CSMD1: variants seen among roughly 807,000 people sequenced by gnomAD.
The protein encoded by CSMD1 is CUB and sushi domain-containing protein 1.
In CSMD1, 213 loss-of-function variants were observed where a neutral mutation model predicts 417.5. That is an observed-to-expected ratio of 0.51 (90% CI 0.46 to 0.57). The LOEUF (loss-of-function observed/expected upper bound fraction) is 0.57, where lower values mean the gene tolerates loss of function less well. CSMD1 is among the 20% of genes least tolerant of loss of function. The pLI is 0.00. For missense variants in CSMD1, 6,923 were observed against 4,529.7 expected, an observed-to-expected ratio of 1.53 and a Z score of -15.17; for synonymous variants, 2,862 against 1,736.8, an observed-to-expected ratio of 1.65 and a Z score of -16.11.
intron 1 of CSMD1, among the ~76,000 whole-genome samples, chr8:4,898,333 G>C (rs1278788509): frequency 1.3e-5 from 2 of 152,040 alleles, no homozygotes; most frequent in East Asian, 1.9e-4. Flanking sequence ...GGGTCCATTA[G>C]ATTTATAATT....
At chr8:4,885,639 T>G (rs1413995625) in intron 1 of CSMD1, among the ~76,000 whole-genome samples, 1 of 151,926 alleles carries the variant, frequency 6.6e-6, no homozygotes, top group East Asian at 1.9e-4. Flanking sequence ...TAATAGATTT[T>G]CAGGTGTTGA....
intron 10 of CSMD1, among the ~76,000 whole-genome samples, chr8:3,500,506 A>G (rs1032068779): frequency 1.3e-5 from 2 of 152,220 alleles, no homozygotes; most frequent in Non-Finnish European, 2.9e-5. Context: ...AGGCACGTGA[A>G]AAGAAGAGGA....
intron 1 of CSMD1, among the ~76,000 whole-genome samples, chr8:4,720,997 GAATTTAAATAAACAGTT>G (rs950217304): frequency 1.3e-5 from 2 of 152,012 alleles, no homozygotes; most frequent in Non-Finnish European, 2.9e-5. Flanking sequence ...TATTTGAATG[GAATTTAAATAAACAGTT>G]AATTATTGTG....
At chr8:4,863,949 A>C (rs1451065954) in intron 1 of CSMD1, among the ~76,000 whole-genome samples, 1 of 131,560 alleles carries the variant, frequency 7.6e-6, no homozygotes, top group Non-Finnish European at 1.8e-5. Context: ...ATCCTAAAAT[A>C]AATGTCAAGA....
intron 7 of CSMD1, among the ~76,000 whole-genome samples, chr8:3,637,287 T>A (rs531168300): frequency 4.5e-4 from 69 of 152,312 alleles, no homozygotes; most frequent in African/African-American, 1.6e-3. Context: ...TAGTTGTGTA[T>A]GCTTGGGGGA....
At chr8:4,816,923 C>CA (rs1344847369) in intron 1 of CSMD1, among the ~76,000 whole-genome samples, 6 of 152,102 alleles carry the variant, frequency 3.9e-5, no homozygotes, top group African/African-American at 1.4e-4. Flanking sequence ...TCACTCCCAT[C>CA]TACTGCCAGA....
intron 5 of CSMD1, among the ~76,000 whole-genome samples, chr8:3,783,701 T>C (rs1042121788): frequency 3.9e-5 from 6 of 152,152 alleles, no homozygotes; most frequent in African/African-American, 7.2e-5. Flanking sequence ...GAGGCTCCCC[T>C]CCCCTTTGCT....
chr8:3,836,545 G>A (rs1200292372), intron 5 of CSMD1, among the ~76,000 whole-genome samples: 1 of 152,244 alleles, frequency 6.6e-6, no homozygotes, highest in South Asian at 2.1e-4. Flanking sequence ...CTAGGATGGA[G>A]TGAGTCAGAA....
chr8:3,684,614 TTTA>T (rs1183534407), intron 7 of CSMD1, among the ~76,000 whole-genome samples: 1 of 149,148 alleles, frequency 6.7e-6, no homozygotes, highest in Admixed American at 6.7e-5. Context: ...TTTTTTTTTT[TTTA>T]GACGGAGTCT....
At chr8:4,712,921 G>A (rs117708834) in intron 1 of CSMD1, among the ~76,000 whole-genome samples, 257 of 152,244 alleles carry the variant, frequency 1.7e-3, no homozygotes, top group Non-Finnish European at 2.7e-3. Flanking sequence ...GTGCTTGATT[G>A]ACATACAAGT....
chr8:3,386,725 A>T (rs146173815), intron 18 of CSMD1, among the ~76,000 whole-genome samples: 2 of 152,298 alleles, frequency 1.3e-5, no homozygotes, highest in Non-Finnish European at 2.9e-5. Flanking sequence ...CCATAGAAAC[A>T]ATGTTTCCTG....
intron 1 of CSMD1, among the ~76,000 whole-genome samples, chr8:4,826,608 A>C (rs563251237): frequency 1.3e-4 from 20 of 152,122 alleles, no homozygotes; most frequent in Non-Finnish European, 2.2e-4. Context: ...GGAAGAGCAA[A>C]AAGGAGATAA....
chr8:3,302,077 A>G (rs905697095), intron 25 of CSMD1, among the ~76,000 whole-genome samples: 14 of 152,316 alleles, frequency 9.2e-5, no homozygotes, highest in African/African-American at 3.4e-4. Flanking sequence ...ACAGCAGAGC[A>G]TAACACTGAA....
intron 3 of CSMD1, among the ~76,000 whole-genome samples, chr8:4,410,515 A>C (rs1796592595): frequency 6.6e-6 from 1 of 152,206 alleles, no homozygotes; most frequent in Admixed American, 6.5e-5. Context: ...TATAAGAGAG[A>C]CAGAAAGAGA....
At chr8:3,773,877 G>A (rs2078162370) in intron 5 of CSMD1, among the ~76,000 whole-genome samples, 1 of 152,240 alleles carries the variant, frequency 6.6e-6, no homozygotes, top group Admixed American at 6.5e-5. Context: ...CTATGTTGCT[G>A]AGGAAAATGC....
At chr8:4,346,826 G>A (rs1421609322) in intron 3 of CSMD1, among the ~76,000 whole-genome samples, 2 of 152,154 alleles carry the variant, frequency 1.3e-5, no homozygotes, top group African/African-American at 4.8e-5. Context: ...GAAATCCAAG[G>A]GGATTGAGAC....
chr8:4,617,961 T>C (rs1435858325), intron 2 of CSMD1, among the ~76,000 whole-genome samples: 1 of 152,190 alleles, frequency 6.6e-6, no homozygotes, highest in Non-Finnish European at 1.5e-5. Context: ...AATATTTCTT[T>C]TTAAAATATT....
intron 3 of CSMD1, among the ~76,000 whole-genome samples, chr8:4,075,675 G>C (rs1049840401): frequency 1.3e-5 from 2 of 152,138 alleles, no homozygotes; most frequent in Non-Finnish European, 2.9e-5. Flanking sequence ...AGACGTTTTG[G>C]AGCACTGGAT....
chr8:3,921,532 C>A (rs1247269637), intron 5 of CSMD1, among the ~76,000 whole-genome samples: 1 of 151,968 alleles, frequency 6.6e-6, no homozygotes, highest in East Asian at 1.9e-4. Flanking sequence ...GCCATCATTT[C>A]TGTAAACTTC....
Sources: allele counts gnomAD v4.1 joint callset (sites outside exome capture counted in the v4.1 genomes callset), GRCh38; gene constraint gnomAD v4.1.1; transcripts MANE v1.5; gene names NCBI Gene and HGNC (gene_info 2026-07-23, HGNC 2026-07-21).